PLXDC2: variants seen among roughly 807,000 people sequenced by gnomAD.
PLXDC2 encodes the protein plexin domain containing 2.
PLXDC2 carries 40 observed loss-of-function variants against 68.9 expected under a neutral mutation model. The ratio of observed to expected loss-of-function variants is 0.58; its 90% confidence interval spans 0.45 to 0.76. PLXDC2 has a LOEUF of 0.76. Among genes scored for constraint, PLXDC2 ranks in the 30% least tolerant of loss-of-function variants. The pLI is 0.00. For missense variants in PLXDC2, 644 were observed against 661.9 expected (o/e 0.97, Z 0.30); for synonymous variants, 243 against 234.2 (o/e 1.04, Z -0.34).
intron 1 of PLXDC2, among the ~76,000 whole-genome samples, chr10:19,956,639 A>C (rs1834074472): frequency 6.6e-6 from 1 of 152,236 alleles, no homozygotes; most frequent in Non-Finnish European, 1.5e-5. Context: ...AAATGTACAC[A>C]TGGAAGGACA....
chr10:20,172,610 A>G (rs779374009), intron 7 of PLXDC2, among the ~76,000 whole-genome samples: 1 of 152,170 alleles, frequency 6.6e-6, no homozygotes, highest in Non-Finnish European at 1.5e-5. Flanking sequence ...AGTGTTTATC[A>G]GTTAATGTCT....
Position 19,816,565 on chromosome 10 carries a change from A to T in PLXDC2, c.-515A>T, listed in dbSNP as rs569407132. On this transcript the variant is annotated 5_prime_UTR_variant, in exon 1 of 14. Transcript: ENST00000377252. ...ACTTGTCGGGAGGGTTTCGTCATCA[A>T]CCTCCTTCCCGCAAACCTAAACCTC... is the stretch of plus-strand genomic sequence containing the variant. 4.0e-4 allele frequency: 62 copies of T among 155,074 alleles called. No homozygotes were observed. The highest frequency in any genetic ancestry group is 1.5e-3 in the African/African-American group (60 of 41,186). The allele number at this position is 155,074 out of a possible 1,614,324, so 9.6% of individuals were successfully genotyped here.
intron 1 of PLXDC2, among the ~76,000 whole-genome samples, chr10:19,967,138 A>G (rs1564642115): frequency 6.6e-6 from 1 of 152,326 alleles, no homozygotes; most frequent in Middle Eastern, 3.4e-3. Flanking sequence ...TAGAAAGCAA[A>G]AATGTGTAAC....
chr10:20,197,445 C>T (rs999292392), intron 9 of PLXDC2, among the ~76,000 whole-genome samples: 2 of 152,212 alleles, frequency 1.3e-5, no homozygotes, highest in South Asian at 2.1e-4. Context: ...GCAACCTCTG[C>T]CTCCTGGGTT....
At chr10:20,129,291 G>A (rs978407967) in intron 4 of PLXDC2, among the ~76,000 whole-genome samples, 10 of 151,926 alleles carry the variant, frequency 6.6e-5, no homozygotes, top group African/African-American at 1.9e-4. Flanking sequence ...GAGAAATGTC[G>A]GTTCAAGTCA....
intron 3 of PLXDC2, among the ~76,000 whole-genome samples, chr10:20,049,787 C>A (rs1211248171): frequency 6.6e-6 from 1 of 151,994 alleles, no homozygotes; most frequent in East Asian, 1.9e-4. Flanking sequence ...TCATACTGCC[C>A]AAAGCAATTT....
At chr10:20,157,072 T>A (rs77086538) in intron 6 of PLXDC2, among the ~76,000 whole-genome samples, 1 of 152,158 alleles carries the variant, frequency 6.6e-6, no homozygotes, top group Non-Finnish European at 1.5e-5. Context: ...GGTTGTTGTT[T>A]TGATAATAAT....
chr10:19,887,385 G>A (rs1290597821), intron 1 of PLXDC2, among the ~76,000 whole-genome samples: 2 of 152,154 alleles, frequency 1.3e-5, no homozygotes, highest in African/African-American at 4.8e-5. Flanking sequence ...GCGAGGTGTG[G>A]TGGCAGGTGC....
intron 4 of PLXDC2, among the ~76,000 whole-genome samples, chr10:20,113,988 A>G (rs1468281938): frequency 1.3e-5 from 2 of 152,060 alleles, no homozygotes; most frequent in African/African-American, 2.4e-5. Context: ...GTTAGGCATG[A>G]TGGCAGGTGC....
intron 1 of PLXDC2, among the ~76,000 whole-genome samples, chr10:19,919,783 G>T (rs568870994): frequency 6.6e-6 from 1 of 152,108 alleles, no homozygotes; most frequent in Non-Finnish European, 1.5e-5. Context: ...CTATCTAGAC[G>T]ATTCCATTCT....
chr10:20,090,405 A>G (rs1413798809), intron 4 of PLXDC2, among the ~76,000 whole-genome samples: 1 of 152,180 alleles, frequency 6.6e-6, no homozygotes, highest in African/African-American at 2.4e-5. Context: ...CCTGGTGGTG[A>G]GAACAGTCAA....
At chr10:20,051,570 CTCT>C (rs1308578047) in intron 3 of PLXDC2, among the ~76,000 whole-genome samples, 1 of 151,518 alleles carries the variant, frequency 6.6e-6, no homozygotes, top group Non-Finnish European at 1.5e-5. Context: ...TATGTTTGGC[CTCT>C]GTCTTGTCAG....
rs1836096014 is a variant in PLXDC2 at position 20,282,600 on chromosome 10, T to C, written c.*2781T>C. On this transcript the variant is annotated 3_prime_UTR_variant, in exon 14 of 14. Coordinates refer to ENST00000377252, the MANE Select transcript of PLXDC2 (RefSeq NM_032812.9). ...CTCAAGAAAAATATCTTGACCCATTTATGTCTAGTGTTCCATTATTGGAAC... is the reference window on the plus strand; with the variant it reads ...CTCAAGAAAAATATCTTGACCCATTCATGTCTAGTGTTCCATTATTGGAAC... 1 of 152,174 alleles carries C rather than the reference T, an allele frequency of 6.6e-6. No homozygotes were observed. Among genetic ancestry groups the C allele is most frequent in the Non-Finnish European group, 1.5e-5 (1 of 68,020 alleles). 9.4% of individuals were successfully genotyped at this position (152,174 alleles called of 1,614,324 possible). A position where few individuals can be genotyped will look rare whatever the true frequency, so the allele number is the denominator to read the frequency against.
chr10:20,264,689 T>C (rs1312499985), intron 13 of PLXDC2, among the ~76,000 whole-genome samples: 1 of 151,868 alleles, frequency 6.6e-6, no homozygotes, highest in East Asian at 1.9e-4. Flanking sequence ...TCTTAATGTA[T>C]TACAAGAAAT....
At chr10:20,094,752 G>A (rs1189835229) in intron 4 of PLXDC2, among the ~76,000 whole-genome samples, 4 of 151,938 alleles carry the variant, frequency 2.6e-5, no homozygotes, top group African/African-American at 7.3e-5. Context: ...TGTTGCTGTC[G>A]CTACTGACAT....
chr10:19,931,952 A>AGTGTGTGTGTGTGTGT lies in PLXDC2; in HGVS notation c.113-69810_113-69795dup, dbSNP rs33953625. Among the ~76,000 whole-genome samples, 995 of 149,726 alleles carry AGTGTGTGTGTGTGTGT rather than the reference A, an allele frequency of 6.6e-3. 7 individuals are homozygous for AGTGTGTGTGTGTGTGT. Among genetic ancestry groups the AGTGTGTGTGTGTGTGT allele is most frequent in the East Asian group, 0.021 (106 of 5,030 alleles). On this transcript the variant is annotated intron_variant, in intron 1 of 13. Transcript: ENST00000377252. ...ACAGGAAATATCTTCTAATTTGGGA[A>AGTGTGTGTGTGTGTGT]GTGTGTGTGTGTGTGTGTGTGTGTG...
At chr10:20,121,745 T>A (rs968566917) in intron 4 of PLXDC2, among the ~76,000 whole-genome samples, 2 of 152,286 alleles carry the variant, frequency 1.3e-5, no homozygotes, top group South Asian at 4.1e-4. Flanking sequence ...ACAATTTGGT[T>A]GATAAGGCAT....
At chr10:19,907,288 G>T (rs1833181287) in intron 1 of PLXDC2, among the ~76,000 whole-genome samples, 1 of 152,108 alleles carries the variant, frequency 6.6e-6, no homozygotes, top group African/African-American at 2.4e-5. Context: ...AAAGCTTAAG[G>T]TTTAACCACT....
rs570410455 is a variant in PLXDC2 at position 20,284,407 on chromosome 10, A to ATGTGTGTGTGTGTGTG, written c.*4606_*4621dup. ...ATATTTGATAGAGATGATAGCAATTATGTGTGTGTGTGTGTGTGTGTGTGT... is the reference window on the plus strand; with the variant it reads ...ATATTTGATAGAGATGATAGCAATTATGTGTGTGTGTGTGTGTGTGTGTGTGTGTGTGTGTGTGTGT... On this transcript the variant is annotated 3_prime_UTR_variant, in exon 14 of 14. Coordinates refer to ENST00000377252, the MANE Select transcript of PLXDC2 (RefSeq NM_032812.9). The ATGTGTGTGTGTGTGTG allele has an allele frequency of 2.6e-4, 35 of 135,914 alleles. No individual in the cohort carries two copies. Among genetic ancestry groups the ATGTGTGTGTGTGTGTG allele is most frequent in the African/African-American group, 8.8e-4 (32 of 36,498 alleles). The allele number at this position is 135,914 out of a possible 1,614,324, so 8.4% of individuals were successfully genotyped here.
Sources: gnomAD v4.1 joint callset for allele counts (sites outside exome capture counted in the v4.1 genomes callset) on GRCh38, gnomAD v4.1.1 for gene constraint, MANE v1.5 for transcripts, NCBI Gene and HGNC (gene_info 2026-07-23, HGNC 2026-07-21) for gene names.